Variants in ADAMTS6 observed in about 807,000 individuals in gnomAD.
ADAMTS6 encodes ADAM metallopeptidase with thrombospondin type 1 motif 6.
ADAMTS6 carries 23 observed loss-of-function variants against 144.3 expected under a neutral mutation model. That is an observed-to-expected ratio of 0.16 (90% confidence interval 0.11 to 0.23). The LOEUF is 0.23. Ranked by LOEUF, ADAMTS6 falls within the 10% of genes least tolerant of loss-of-function variation. ADAMTS6 has a pLI of 1.00. For synonymous variants in ADAMTS6, 444 were observed against 457.5 expected (o/e 0.97, Z 0.38); for missense variants, 999 against 1,379.6 (o/e 0.72, Z 4.37).
chr5:65,229,505 T>G (rs1342031812), intron 15 of ADAMTS6, among the ~76,000 whole-genome samples: 1 of 152,074 alleles, frequency 6.6e-6, no homozygotes, highest in African/African-American at 2.4e-5. Context: ...TCCAAAATAA[T>G]TGTTTTAAGG....
intron 7 of ADAMTS6, among the ~76,000 whole-genome samples, chr5:65,445,235 T>C (rs1758174094): frequency 6.6e-6 from 1 of 152,228 alleles, no homozygotes; most frequent in African/African-American, 2.4e-5. Context: ...CAAACAAACA[T>C]AGGTAATGCC....
chr5:65,480,354 A>T (rs1761120252), intron 1 of ADAMTS6, among the ~76,000 whole-genome samples: 1 of 150,614 alleles, frequency 6.6e-6, no homozygotes, highest in Non-Finnish European at 1.5e-5. Flanking sequence ...GACAGAGGGT[A>T]ACAGTCTGAG....
chr5:65,215,621 A>C (rs751401782), intron 18 of ADAMTS6, 134 bp from the exon 19 acceptor site: 9 of 702,420 alleles, frequency 1.3e-5, no homozygotes, highest in Non-Finnish European at 2.0e-5. Flanking sequence ...CATATTCTTA[A>C]GTACAAATTA....
At chr5:65,321,083 G>A (rs557077409) in intron 9 of ADAMTS6, among the ~76,000 whole-genome samples, 159 of 152,302 alleles carry the variant, frequency 1.0e-3, no homozygotes, top group Middle Eastern at 0.01. Flanking sequence ...GGAATGCTGG[G>A]TTGAATGGTA....
rs947781829 is a variant in ADAMTS6, at chr5:65,253,797, C to T, written c.1830+6803G>A. ...TTAACTGGAAAATACTAAAGTCTTG[C>T]TTACAATATTCAATCTTTTTTTTTT... On this transcript the variant is annotated intron_variant, in intron 14 of 24. Transcript: ENST00000381055. Among the ~76,000 whole-genome samples the T allele has an allele frequency of 4.7e-5, 6 of 127,346 alleles. No homozygotes were observed. The East Asian group carries it at 1.4e-3, about 30-fold the overall frequency. The allele number at this position is 127,346 out of a possible 152,430, so 83.5% of individuals were successfully genotyped here. A position where few individuals can be genotyped will look rare whatever the true frequency, so the allele number is the denominator to read the frequency against.
At chr5:65,422,590 C>G (rs560401400) in intron 7 of ADAMTS6, among the ~76,000 whole-genome samples, 2 of 151,926 alleles carry the variant, frequency 1.3e-5, no homozygotes, top group South Asian at 2.1e-4. Flanking sequence ...CCACTGCACT[C>G]CAGCCTGGTG....
intron 15 of ADAMTS6, among the ~76,000 whole-genome samples, chr5:65,234,078 CAAAA>C (rs3078364): frequency 1.1e-5 from 1 of 90,376 alleles, no homozygotes. Context: ...TGGTCACGTG[CAAAA>C]AAAAAAAAAA....
At chr5:65,455,410 C>T in intron 4 of ADAMTS6, among the ~76,000 whole-genome samples, 1 of 152,222 alleles carries the variant, frequency 6.6e-6, no homozygotes, top group African/African-American at 2.4e-5. Context: ...GATGTGGTGG[C>T]AGGCGCCTGT....
At chr5:65,400,180 TTTC>T (rs2150162386) in intron 7 of ADAMTS6, among the ~76,000 whole-genome samples, 1 of 152,272 alleles carries the variant, frequency 6.6e-6, no homozygotes, top group East Asian at 1.9e-4. Flanking sequence ...TTCAGAATTT[TTTC>T]TTCTTTTTAA....
At chr5:65,458,959 T>C in intron 4 of ADAMTS6, among the ~76,000 whole-genome samples, 1 of 152,202 alleles carries the variant, frequency 6.6e-6, no homozygotes, top group Non-Finnish European at 1.5e-5. Flanking sequence ...ATTCGTCCTA[T>C]GCTATATCAA....
intron 7 of ADAMTS6, among the ~76,000 whole-genome samples, chr5:65,352,425 C>A (rs1021135940): frequency 6.6e-6 from 1 of 151,956 alleles, no homozygotes; most frequent in Non-Finnish European, 1.5e-5. Context: ...AAATTAACAG[C>A]GGTTTTTGGC....
At chr5:65,439,758 T>A (rs1757726231) in intron 7 of ADAMTS6, among the ~76,000 whole-genome samples, 1 of 152,176 alleles carries the variant, frequency 6.6e-6, no homozygotes, top group African/African-American at 2.4e-5. Flanking sequence ...ACACTACATA[T>A]CTTGATTTTG....
intron 7 of ADAMTS6, among the ~76,000 whole-genome samples, chr5:65,362,378 A>G (rs1221844922): frequency 6.6e-6 from 1 of 152,226 alleles, no homozygotes; most frequent in Non-Finnish European, 1.5e-5. Context: ...AATCTTCTAC[A>G]TAACAGAAAA....
At chr5:65,184,149 A>C (rs1272992232) in intron 22 of ADAMTS6, among the ~76,000 whole-genome samples, 1 of 152,172 alleles carries the variant, frequency 6.6e-6, no homozygotes, top group African/African-American at 2.4e-5. Context: ...GTGACACAGG[A>C]GGTGACTTTT....
chr5:65,274,002 A>G (rs1231348155), intron 11 of ADAMTS6, among the ~76,000 whole-genome samples: 1 of 152,120 alleles, frequency 6.6e-6, no homozygotes, highest in Non-Finnish European at 1.5e-5. Context: ...CAATCTAACA[A>G]CGTTATTTTC....
chr5:65,248,794 G>A (rs567905808), intron 14 of ADAMTS6, among the ~76,000 whole-genome samples: 2 of 152,112 alleles, frequency 1.3e-5, no homozygotes, highest in Non-Finnish European at 1.5e-5. Context: ...CCAAAAAAAG[G>A]TTAAGAAACA....
At chr5:65,263,698 T>C (rs1990999) in intron 12 of ADAMTS6, among the ~76,000 whole-genome samples, 75,565 of 151,966 alleles carry the variant, frequency 0.5, 18,881 homozygotes, top group Admixed American at 0.53. Context: ...CAAAATCAAC[T>C]CATAACTCTA....
At chr5:65,304,586 C>T (rs1012193105) in intron 9 of ADAMTS6, among the ~76,000 whole-genome samples, 2 of 152,110 alleles carry the variant, frequency 1.3e-5, no homozygotes, top group African/African-American at 2.4e-5. Context: ...GTCTGCAACA[C>T]CAAACCTGGA....
intron 9 of ADAMTS6, among the ~76,000 whole-genome samples, chr5:65,328,258 C>G (rs1580407371): frequency 6.6e-6 from 1 of 152,086 alleles, no homozygotes; most frequent in East Asian, 1.9e-4. Flanking sequence ...AACAAAAAAG[C>G]TGAACTACAG....
Sources: allele counts gnomAD v4.1 joint callset (sites outside exome capture counted in the v4.1 genomes callset), GRCh38; gene constraint gnomAD v4.1.1; transcripts MANE v1.5; gene names NCBI Gene and HGNC (gene_info 2026-07-23, HGNC 2026-07-21).